The following PWP1 variants were observed in gnomAD, a reference collection of about 807,000 sequenced individuals.
PWP1 encodes PWP1 homolog, endonuclein, also known as periodic tryptophan protein 1 homolog.
In PWP1, 47 loss-of-function variants were observed where a neutral mutation model predicts 69.9. The observed-to-expected ratio is 0.67, with a 90% CI of 0.53 to 0.86. PWP1 has a LOEUF of 0.86. Among genes scored for constraint, PWP1 ranks in the 40% least tolerant of loss-of-function variants. PWP1 has a pLI of 0.00. For missense variants in PWP1, 551 were observed against 608.8 expected, an observed-to-expected ratio of 0.91 and a Z score of 1.00; for synonymous variants, 222 against 208.2, an observed-to-expected ratio of 1.07 and a Z score of -0.57.
intron 14 of PWP1, among the ~76,000 whole-genome samples, chr12:107,711,762 C>T (rs754552298): frequency 3.3e-5 from 5 of 151,772 alleles, no homozygotes; most frequent in East Asian, 1.9e-4. Context: ...GTCCTAAGTC[C>T]GAAAAGTTCT....
At position 107,705,756 on chromosome 12, in the gene PWP1, C is replaced by T. The variant is rs922176644; in HGVS notation, c.1077+1009C>T. Among the ~76,000 whole-genome samples, 4 of 152,088 alleles carry T rather than the reference C, an allele frequency of 2.6e-5. No individual in the cohort carries two copies. In the East Asian group the frequency reaches 7.7e-4, roughly 29 times the overall value. ...CCATGGTGTATATGTGCCACATTTT[C>T]TTAATCCAGTCTATCATTGATGGAC... On this transcript the variant is annotated intron_variant, in intron 11 of 14. Transcript: ENST00000412830.
intron 1 of PWP1, among the ~76,000 whole-genome samples, chr12:107,687,279 T>A (rs145941088): frequency 6.6e-6 from 1 of 152,168 alleles, no homozygotes; most frequent in African/African-American, 2.4e-5. Context: ...ATTTATAGAA[T>A]AGGGACAGAA....
intron 10 of PWP1, 35 bp from the exon 11 acceptor site, chr12:107,704,601 C>A: frequency 1.4e-6 from 2 of 1,475,168 alleles, no homozygotes; most frequent in Non-Finnish European, 1.9e-6. Flanking sequence ...GAGAATTGAA[C>A]TCTTAAAACC....
rs1183086228 is a variant in PWP1 at position 107,702,837 on chromosome 12, TTTA to T, written c.807-95_807-93del. ...TTTTGTTAAATTTATTCCTAAGTAT[TTTA>T]TTCTTTCTGATGCTATTGTAAATGC... On this transcript the variant is annotated intron_variant, in intron 8 of 14. Transcript: ENST00000412830. 5.3e-6 allele frequency: 4 copies of T among 758,218 alleles called. No homozygotes were observed. The African/African-American group carries it at 7.0e-5, about 13-fold the overall frequency. 47.0% of individuals were successfully genotyped at this position (758,218 alleles called of 1,614,324 possible).
Position 107,712,300 on chromosome 12 carries a change from A to G in PWP1, c.*80A>G, listed in dbSNP as rs1390026246. The G allele has an allele frequency of 1.4e-5, 14 of 1,034,334 alleles. No homozygotes were observed. Among genetic ancestry groups the G allele is most frequent in the Non-Finnish European group, 2.1e-5 (14 of 664,474 alleles). The allele number at this position is 1,034,334 out of a possible 1,614,324, so 64.1% of individuals were successfully genotyped here. ...TAAAAATGTTCCATGCGTGGCAGCA[A>G]CCATGCAGAGTGACTGAAACACAAT... On this transcript the variant is annotated 3_prime_UTR_variant, in exon 15 of 15. Coordinates refer to ENST00000412830, the MANE Select transcript of PWP1 (RefSeq NM_007062.3).
intron 6 of PWP1, among the ~76,000 whole-genome samples, chr12:107,697,205 T>G (rs1889606618): frequency 6.6e-6 from 1 of 152,124 alleles, no homozygotes; most frequent in Non-Finnish European, 1.5e-5. Context: ...GGCCAAGAGA[T>G]TGAGCCTTTC....
At position 107,688,720 on chromosome 12, in the gene PWP1, T is replaced by C; in HGVS notation, c.237T>C (p.Gly79=). ...GCCCAAGAGAGCCCCTGGAGGATGG[T>C]GACCCAGAGGATGACAGGACGCTTG... ...QARPREPLED[G]DPEDDRTLDD... The change falls in exon 3 of 15, where the codon GGT becomes GGC. Residue 79 remains glycine, a synonymous_variant. Transcript: ENST00000412830. 6.2e-7 allele frequency: 1 copy of C among 1,614,212 alleles called. No homozygotes were observed. Among genetic ancestry groups the C allele is most frequent in the South Asian group, 1.1e-5 (1 of 91,084 alleles).
chr12:107,710,919 G>C (rs1394436182), intron 14 of PWP1, among the ~76,000 whole-genome samples: 3 of 141,358 alleles, frequency 2.1e-5, no homozygotes, highest in Non-Finnish European at 4.7e-5. Context: ...ATCATTTAAG[G>C]CCGAGACCAG....
At chr12:107,696,681 G>A (rs957361046) in intron 6 of PWP1, 97 bp downstream of exon 6, 1 of 1,534,494 alleles carries the variant, frequency 6.5e-7, no homozygotes, top group African/African-American at 1.4e-5. Flanking sequence ...TTTCAGAATT[G>A]TTGCTGATAT....
At chr12:107,686,890 C>T (rs1353968829) in intron 1 of PWP1, among the ~76,000 whole-genome samples, 2 of 145,860 alleles carry the variant, frequency 1.4e-5, no homozygotes, top group African/African-American at 2.5e-5. Context: ...GGCGTGAACC[C>T]GGGAGGCGGA....
At chr12:107,691,683 C>T (rs1480648374) in intron 3 of PWP1, among the ~76,000 whole-genome samples, 6 of 152,042 alleles carry the variant, frequency 3.9e-5, no homozygotes, top group Admixed American at 1.3e-4. Flanking sequence ...CTTATTATCG[C>T]TGGTGTACCT....
rs1046419104 is a variant in PWP1 at position 107,701,304 on chromosome 12, G to GT, written c.807-1625dup. Among the ~76,000 whole-genome samples the GT allele has an allele frequency of 2.1e-4, 32 of 152,028 alleles. No individual in the cohort carries two copies. In the South Asian group the frequency reaches 3.3e-3, roughly 16 times the overall value. ...CACCAAGCCTGGCCTCCCTTTGCCTGTTTTTTGTGTTTGATGTTGAATTTT... is the reference window on the plus strand; with the variant it reads ...CACCAAGCCTGGCCTCCCTTTGCCTGTTTTTTTGTGTTTGATGTTGAATTTT... On this transcript the variant is annotated intron_variant, in intron 8 of 14. Transcript: ENST00000412830.
At chr12:107,688,176 G>A (rs1187796689) in intron 1 of PWP1, among the ~76,000 whole-genome samples, 1 of 151,528 alleles carries the variant, frequency 6.6e-6, no homozygotes, top group Non-Finnish European at 1.5e-5. Flanking sequence ...GTACCACACA[G>A]CCACTTTACC....
In PWP1 at chr12:107,708,962, GCA is replaced by G. The variant is rs1889884747; in HGVS notation, c.1116_1117del (p.Arg373PhefsTer3). On this transcript the variant is annotated frameshift_variant, in exon 12 of 15. Coordinates refer to ENST00000412830, the MANE Select transcript of PWP1 (RefSeq NM_007062.3). LOFTEE classifies it high-confidence loss of function. Reference protein sequence around the residue: ...TDDGFVYNLDARSDKPIFTLN... With the variant: ...TDDGFVYNLDXRSDKPIFTLN... ...TGACGGCTTTGTATATAATTTGGAT[GCA>G]CGTTCAGATAAGCCAATTTTTACAC... is the stretch of plus-strand genomic sequence containing the variant. 3 of 1,613,788 alleles carry G rather than the reference GCA, an allele frequency of 1.9e-6. No individual in the cohort carries two copies. In the East Asian group the frequency reaches 6.7e-5, roughly 36 times the overall value.
At chr12:107,710,259 A>G (rs1419135542) in intron 13 of PWP1, 146 bp from the exon 14 acceptor site, 2 of 1,311,340 alleles carry the variant, frequency 1.5e-6, no homozygotes, top group Non-Finnish European at 2.0e-6. Context: ...ACTCTGAGCT[A>G]CCTTTGCAGT....
intron 8 of PWP1, among the ~76,000 whole-genome samples, chr12:107,701,497 A>G (rs1330623170): frequency 6.6e-6 from 1 of 152,172 alleles, no homozygotes. Flanking sequence ...TGTTGTATCT[A>G]GCAAACCATC....
At chr12:107,693,376 G>C (rs1022980444) in intron 5 of PWP1, among the ~76,000 whole-genome samples, 15 of 151,882 alleles carry the variant, frequency 9.9e-5, no homozygotes, top group Admixed American at 2.0e-4. Flanking sequence ...GGGTCTCACT[G>C]TGTTGCCCAG....
intron 11 of PWP1, among the ~76,000 whole-genome samples, chr12:107,706,168 A>G (rs1029084067): frequency 7.9e-5 from 12 of 152,064 alleles, no homozygotes; most frequent in African/African-American, 2.4e-4. Flanking sequence ...GCATTTTTTC[A>G]TGTGTCTGTT....
At chr12:107,709,940 C>G (rs1331371928) in intron 13 of PWP1, among the ~76,000 whole-genome samples, 1 of 152,030 alleles carries the variant, frequency 6.6e-6, no homozygotes, top group Non-Finnish European at 1.5e-5. Context: ...GGTTACCTCC[C>G]TGAGAGATTT....
Sources: allele counts gnomAD v4.1 joint callset (sites outside exome capture counted in the v4.1 genomes callset), GRCh38; gene constraint gnomAD v4.1.1; transcripts MANE v1.5; gene names NCBI Gene and HGNC (gene_info 2026-07-23, HGNC 2026-07-21).